Variants in LRMDA observed in about 807,000 individuals in gnomAD.
LRMDA encodes leucine-rich melanocyte differentiation-associated protein.
LRMDA carries 18 observed loss-of-function variants against 29.8 expected under a neutral mutation model. That is an observed-to-expected ratio of 0.60 (90% CI 0.42 to 0.90). The LOEUF (loss-of-function observed/expected upper bound fraction) is 0.90. Ranked by LOEUF, LRMDA falls within the 40% of genes least tolerant of loss-of-function variation. LRMDA has a pLI of 0.00. For missense variants in LRMDA, 273 were observed against 273.9 expected, an observed-to-expected ratio of 1.00 and a Z score of 0.02; for synonymous variants, 125 against 109.4, an observed-to-expected ratio of 1.14 and a Z score of -0.89.
chr10:75,848,673 G>A (rs1844681791), intron 2 of LRMDA, among the ~76,000 whole-genome samples: 2 of 151,966 alleles, frequency 1.3e-5, no homozygotes, highest in Admixed American at 6.6e-5. Flanking sequence ...GCATTACAGT[G>A]TTACTCACTG....
intron 6 of LRMDA, among the ~76,000 whole-genome samples, chr10:76,336,301 G>T (rs1026051525): frequency 2.0e-5 from 3 of 152,216 alleles, no homozygotes; most frequent in Non-Finnish European, 2.9e-5. Context: ...TCCTGGACTT[G>T]TGCAAGCACA....
At chr10:76,365,421 AT>A (rs1193442802) in intron 6 of LRMDA, among the ~76,000 whole-genome samples, 1 of 151,570 alleles carries the variant, frequency 6.6e-6, no homozygotes, top group Admixed American at 6.6e-5. Flanking sequence ...CTGTTTTTTG[AT>A]TTTTTTATTA....
intron 5 of LRMDA, among the ~76,000 whole-genome samples, chr10:76,200,917 A>G (rs999874110): frequency 6.6e-6 from 1 of 150,982 alleles, no homozygotes; most frequent in Admixed American, 6.6e-5. Flanking sequence ...GGGTTTCGCC[A>G]TGTTGGCCAG....
At position 76,445,525 on chromosome 10, in the gene LRMDA, T is replaced by C. The variant is rs142773571; in HGVS notation, c.602-111684T>C. Among the ~76,000 whole-genome samples, 317 of 152,344 alleles carry C rather than the reference T, an allele frequency of 2.1e-3. 1 individual carries two copies. Among genetic ancestry groups the C allele is most frequent in the African/African-American group, 7.4e-3 (308 of 41,580 alleles). On this transcript the variant is annotated intron_variant, in intron 6 of 6. Coordinates refer to ENST00000611255, the MANE Select transcript of LRMDA (RefSeq NM_001305581.2). Reference sequence around the variant, plus strand: ...CACATGCACAGCAGTAAATTCTTCATTTGCCAGAGTTAATCACAGCCATGC... The same window carrying C: ...CACATGCACAGCAGTAAATTCTTCACTTGCCAGAGTTAATCACAGCCATGC...
At chr10:76,181,777 G>A (rs1244346384) in intron 5 of LRMDA, among the ~76,000 whole-genome samples, 1 of 152,210 alleles carries the variant, frequency 6.6e-6, no homozygotes, top group Non-Finnish European at 1.5e-5. Flanking sequence ...CATCTTGACT[G>A]AAAACTTAAC....
At chr10:76,135,331 T>G (rs1326675213) in intron 5 of LRMDA, among the ~76,000 whole-genome samples, 1 of 152,206 alleles carries the variant, frequency 6.6e-6, no homozygotes, top group Non-Finnish European at 1.5e-5. Context: ...TGTGGTCCCT[T>G]TAAGGTGGAC....
At chr10:75,766,991 G>A (rs1328959551) in intron 2 of LRMDA, among the ~76,000 whole-genome samples, 2 of 152,106 alleles carry the variant, frequency 1.3e-5, no homozygotes, top group African/African-American at 4.8e-5. Context: ...TTTTATGGCT[G>A]TATAATATTC....
At chr10:76,171,995 T>C (rs1726155574) in intron 5 of LRMDA, among the ~76,000 whole-genome samples, 1 of 152,062 alleles carries the variant, frequency 6.6e-6, no homozygotes, top group Admixed American at 6.6e-5. Flanking sequence ...CCACTCATGA[T>C]GGAAAGCAGA....
rs1841213220 is a variant in LRMDA, at chr10:75,623,505, T to TG, written c.131+185014dup. ...TGCACACAGCTCAAGCCACAGTGAATGGGCCAGGCTGAGGACTCCAGAGGG... is the reference window on the plus strand; with the variant it reads ...TGCACACAGCTCAAGCCACAGTGAATGGGGCCAGGCTGAGGACTCCAGAGGG... On this transcript the variant is annotated intron_variant, in intron 2 of 6. Coordinates refer to ENST00000611255, the MANE Select transcript of LRMDA (RefSeq NM_001305581.2). 2.0e-5 allele frequency among the ~76,000 whole-genome samples: 3 copies of TG among 152,274 alleles called. No homozygotes were observed. In the South Asian group the frequency reaches 6.2e-4, roughly 32 times the overall value.
chr10:76,047,304 G>T lies in LRMDA; in HGVS notation c.398+1G>T. 6.2e-7 allele frequency: 1 copy of T among 1,607,984 alleles called. No individual in the cohort carries two copies. On this transcript the variant is annotated splice_donor_variant, in intron 4 of 6. Coordinates refer to ENST00000611255, the MANE Select transcript of LRMDA (RefSeq NM_001305581.2). LOFTEE classifies it high-confidence loss of function. ...ATGAGGAAGACTACAAGAGATACAG[G>T]TGAGTGTCCAGGGGTTGGACCATGG...
intron 2 of LRMDA, among the ~76,000 whole-genome samples, chr10:76,008,039 C>T (rs568306919): frequency 7.8e-4 from 119 of 152,186 alleles, no homozygotes; most frequent in African/African-American, 2.8e-3. Flanking sequence ...AAGCAAGTGG[C>T]AGGCATTAGA....
At chr10:75,950,466 A>G (rs757384550) in intron 2 of LRMDA, among the ~76,000 whole-genome samples, 1 of 152,280 alleles carries the variant, frequency 6.6e-6, no homozygotes, top group South Asian at 2.1e-4. Context: ...CTGTTCACAC[A>G]TGCCCCCTCT....
At chr10:76,396,447 C>T (rs1024938821) in intron 6 of LRMDA, 1 of 152,186 alleles carries the variant, frequency 6.6e-6, no homozygotes, top group African/African-American at 2.4e-5. Flanking sequence ...CGTGCACTCT[C>T]TTACCCAGTA....
intron 2 of LRMDA, among the ~76,000 whole-genome samples, chr10:75,701,793 G>A (rs1324509903): frequency 2.0e-5 from 3 of 152,056 alleles, no homozygotes; most frequent in Non-Finnish European, 2.9e-5. Flanking sequence ...CATTGCTCTG[G>A]CCACTCTAAT....
rs115397443 is a variant in LRMDA at position 75,498,496 on chromosome 10, A to T, written c.131+60002A>T. The stretch of plus-strand genomic sequence containing the variant: ...CGTGTGCATGCGTGCGTGTGTGTGC[A>T]TCAAGTCCCTTGACATTTAAGGAGT... On this transcript the variant is annotated intron_variant, in intron 2 of 6. Transcript: ENST00000611255. Among the ~76,000 whole-genome samples the T allele has an allele frequency of 2.2e-3, 331 of 152,292 alleles. 4 individuals are homozygous for T. Among genetic ancestry groups the T allele is most frequent in the African/African-American group, 7.8e-3 (323 of 41,580 alleles).
At chr10:75,457,398 T>C (rs1381790786) in intron 2 of LRMDA, among the ~76,000 whole-genome samples, 3 of 152,208 alleles carry the variant, frequency 2.0e-5, no homozygotes, top group Admixed American at 1.3e-4. Context: ...TTCTGGGATG[T>C]AGAAGTTGGC....
At chr10:75,949,780 C>A (rs1846541215) in intron 2 of LRMDA, among the ~76,000 whole-genome samples, 1 of 152,160 alleles carries the variant, frequency 6.6e-6, no homozygotes, top group African/African-American at 2.4e-5. Flanking sequence ...GCCAGAGATG[C>A]AACCTTCTAT....
intron 2 of LRMDA, among the ~76,000 whole-genome samples, chr10:75,603,077 C>T (rs1840908012): frequency 6.6e-6 from 1 of 152,098 alleles, no homozygotes; most frequent in Non-Finnish European, 1.5e-5. Context: ...TACAGTAACC[C>T]AGCTTTCTAC....
chr10:76,473,222 A>T (rs898318001), intron 6 of LRMDA, among the ~76,000 whole-genome samples: 1 of 151,578 alleles, frequency 6.6e-6, no homozygotes, highest in East Asian at 1.9e-4. Context: ...ACCAATTAAC[A>T]TAATACACCA....
Sources: allele counts gnomAD v4.1 joint callset (sites outside exome capture counted in the v4.1 genomes callset), GRCh38; gene constraint gnomAD v4.1.1; transcripts MANE v1.5; gene names NCBI Gene and HGNC (gene_info 2026-07-23, HGNC 2026-07-21).